TSGA10IP: variants seen among roughly 807,000 people sequenced by gnomAD.
The protein encoded by TSGA10IP is testis specific 10 interacting protein.
A neutral mutation model predicts 63.2 loss-of-function variants in TSGA10IP; 64 were observed. That is an observed-to-expected ratio of 1.01 (90% CI 0.83 to 1.25). The LOEUF (loss-of-function observed/expected upper bound fraction) is 1.25. Ranked by LOEUF, TSGA10IP falls within the 50% of genes most tolerant of loss-of-function variation. The pLI is 0.00. For missense variants in TSGA10IP, 681 were observed against 710.1 expected (o/e 0.96, Z 0.47); for synonymous variants, 316 against 298.3 (o/e 1.06, Z -0.61).
intron 7 of TSGA10IP, among the ~76,000 whole-genome samples, 192 bp downstream of exon 7, chr11:65,959,506 G>A (rs969879953): frequency 3.9e-5 from 6 of 152,192 alleles, no homozygotes; most frequent in Non-Finnish European, 5.9e-5. Flanking sequence ...CCTTCTTTAA[G>A]GACGCAGGAG....
At chr11:65,953,899 G>C (rs1854985427) in intron 5 of TSGA10IP, among the ~76,000 whole-genome samples, 162 bp downstream of exon 5, 1 of 152,230 alleles carries the variant, frequency 6.6e-6, no homozygotes, top group Non-Finnish European at 1.5e-5. Context: ...TGGGGAGAAG[G>C]GGTCTGTCGA....
At chr11:65,953,595 C>A in exon 5 of TSGA10IP, 1 of 1,589,396 alleles carries the variant, frequency 6.3e-7, no homozygotes, top group Non-Finnish European at 8.6e-7. Context: ...GGAGCGGCAG[C>A]GGCAGGAGGA....
exon 3 of TSGA10IP, chr11:65,947,273 T>A: frequency 6.2e-7 from 1 of 1,611,942 alleles, no homozygotes; most frequent in Non-Finnish European, 8.5e-7. Flanking sequence ...CAGGCGCAAG[T>A]CCACGGCCAA....
At chr11:65,947,677 T>G (rs766293410) in exon 3 of TSGA10IP, 2 of 1,606,672 alleles carry the variant, frequency 1.2e-6, no homozygotes, top group Middle Eastern at 1.6e-4. Flanking sequence ...AAGCCTCCGA[T>G]GAGGGAGAAG....
At chr11:65,950,094 G>A (rs1854919057) in intron 4 of TSGA10IP, among the ~76,000 whole-genome samples, 1 of 151,412 alleles carries the variant, frequency 6.6e-6, no homozygotes, top group African/African-American at 2.4e-5. Context: ...CTCATGATCT[G>A]CCCGCCTCAG....
At chr11:65,947,955 G>C (rs894424718) in intron 3 of TSGA10IP, 46 bp from the exon 4 acceptor site, 1 of 1,535,822 alleles carries the variant, frequency 6.5e-7, no homozygotes, top group Non-Finnish European at 8.8e-7. Context: ...TGCCTGGTGG[G>C]CTGAGAGGGA....
intron 4 of TSGA10IP, among the ~76,000 whole-genome samples, chr11:65,951,474 G>T (rs558582699): frequency 6.7e-6 from 1 of 150,256 alleles, no homozygotes; most frequent in African/African-American, 2.4e-5. Context: ...AAAGACATTT[G>T]TATGTCTTTT....
chr11:65,959,017 C>T (rs758461456), intron 6 of TSGA10IP, 35 bp downstream of exon 6: 2 of 1,606,828 alleles, frequency 1.2e-6, no homozygotes, highest in South Asian at 2.2e-5. Flanking sequence ...CATAGCTGCC[C>T]CCTGTGAAGA....
rs151241567 is a variant in TSGA10IP, at chr11:65,959,604, C to G, written c.1548-213C>G. ...CTCATTAGGGGCTGGCACCACCACG[C>G]TGGTCACCCCATGCCTTAGAATAAC... On this transcript the variant is annotated intron_variant, in intron 7 of 7. Transcript: ENST00000532620. Among the ~76,000 whole-genome samples the G allele has an allele frequency of 2.8e-3, 431 of 152,322 alleles. 3 individuals carry two copies. The highest frequency in any genetic ancestry group is 5.0e-3 in the Admixed American group (76 of 15,304).
exon 3 of TSGA10IP, chr11:65,947,127 C>A: frequency 1.2e-6 from 2 of 1,611,214 alleles, no homozygotes; most frequent in Non-Finnish European, 1.7e-6. Context: ...CCGCTTCTTC[C>A]TCGGAAACCC....
chr11:65,957,278 G>A lies in TSGA10IP; in HGVS notation c.1323-1605G>A, dbSNP rs141707748. 3.3e-5 allele frequency among the ~76,000 whole-genome samples: 5 copies of A among 152,196 alleles called. 1 individual carries two copies. Among genetic ancestry groups the A allele is most frequent in the African/African-American group, 1.2e-4 (5 of 41,532 alleles). ...CGATTCTCCTGCCTCAGCCTCCCAA[G>A]TAGCTGGGATTACAGGCGCACGCCA... On this transcript the variant is annotated intron_variant, in intron 5 of 7. Transcript: ENST00000532620.
chr11:65,959,703 A>T, intron 7 of TSGA10IP, 114 bp from the exon 8 acceptor site: 1 of 1,408,716 alleles, frequency 7.1e-7, no homozygotes, highest in Non-Finnish European at 9.4e-7. Flanking sequence ...CACTTTGCCC[A>T]GGATCACACA....
In TSGA10IP at chr11:65,945,994, A is replaced by C. The variant is rs1032457138; in HGVS notation, c.147+172A>C. On this transcript the variant is annotated intron_variant, in intron 1 of 7. Coordinates refer to ENST00000532620, the Ensembl canonical transcript of TSGA10IP. ...AGGGAGGCCTAAGGGCCTTGGGAGA[A>C]GCCGAGGGATGACGCCCAGGAGTGA... 7 of 720,298 alleles carry C rather than the reference A, an allele frequency of 9.7e-6. No homozygotes were observed. The African/African-American group carries it at 1.2e-4, about 13-fold the overall frequency. 44.6% of individuals were successfully genotyped at this position (720,298 alleles called of 1,614,324 possible). A position where few individuals can be genotyped will look rare whatever the true frequency, so the allele number is the denominator to read the frequency against.
At chr11:65,951,534 T>TTATTAA (rs1854942544) in intron 4 of TSGA10IP, among the ~76,000 whole-genome samples, 1 of 146,614 alleles carries the variant, frequency 6.8e-6, no homozygotes, top group African/African-American at 2.5e-5. Flanking sequence ...ATTATTATTA[T>TTATTAA]TATTATTATT....
At chr11:65,951,966 C>T (rs1482664311) in intron 4 of TSGA10IP, among the ~76,000 whole-genome samples, 3 of 151,920 alleles carry the variant, frequency 2.0e-5, no homozygotes, top group Non-Finnish European at 4.4e-5. Flanking sequence ...TCTCTTGCCT[C>T]AGCCTCCTGA....
intron 5 of TSGA10IP, among the ~76,000 whole-genome samples, chr11:65,957,840 C>G (rs554836722): frequency 6.6e-6 from 1 of 152,344 alleles, no homozygotes; most frequent in Admixed American, 6.5e-5. Flanking sequence ...AGATGGATGC[C>G]TGGTCCCATG....
exon 3 of TSGA10IP, chr11:65,947,158 C>A (rs1362326410): frequency 6.2e-7 from 1 of 1,611,444 alleles, no homozygotes; most frequent in South Asian, 1.1e-5. Flanking sequence ...TCCAGTGGGC[C>A]TGGGAGAGCA....
chr11:65,949,925 T>A (rs1425441332), intron 4 of TSGA10IP, among the ~76,000 whole-genome samples: 1 of 148,172 alleles, frequency 6.7e-6, no homozygotes, highest in Admixed American at 7.0e-5. Context: ...TGATCTCAGT[T>A]CACTGCAACC....
chr11:65,950,083 C>A (rs992895661), intron 4 of TSGA10IP, among the ~76,000 whole-genome samples: 7 of 151,748 alleles, frequency 4.6e-5, no homozygotes, highest in Non-Finnish European at 7.4e-5. Context: ...GAACTCCAGA[C>A]CTCATGATCT....
Sources: gnomAD v4.1 joint callset for allele counts (sites outside exome capture counted in the v4.1 genomes callset) on GRCh38, gnomAD v4.1.1 for gene constraint, MANE v1.5 for transcripts, NCBI Gene and HGNC (gene_info 2026-07-23, HGNC 2026-07-21) for gene names.